The following CDC42BPB variants were observed in gnomAD, a reference collection of about 807,000 sequenced individuals.
CDC42BPB encodes the protein serine/threonine-protein kinase MRCK beta.
Under a neutral mutation model 214.9 loss-of-function variants are expected in CDC42BPB, and 37 were observed. The observed-to-expected ratio is 0.17, with a 90% CI of 0.13 to 0.23. CDC42BPB has a LOEUF of 0.23. CDC42BPB is among the 10% of genes least tolerant of loss of function. The pLI is 1.00. For synonymous variants in CDC42BPB, 931 were observed against 884.0 expected (o/e 1.05, Z -0.94); for missense variants, 1,694 against 2,227.0 (o/e 0.76, Z 4.82).
chr14:102,947,923 C>T (rs1241215019), intron 26 of CDC42BPB, 121 bp from the exon 27 acceptor site: 23 of 1,539,900 alleles, frequency 1.5e-5, no homozygotes, highest in Admixed American at 5.9e-5. Flanking sequence ...CAGTGGAGGG[C>T]GGGTCCCTCG....
intron 1 of CDC42BPB, among the ~76,000 whole-genome samples, chr14:103,046,422 C>T (rs1377529775): frequency 1.3e-5 from 2 of 152,098 alleles, no homozygotes; most frequent in Non-Finnish European, 2.9e-5. Context: ...CATGGAAAGA[C>T]AGCCAGTAAT....
rs780896564 is a variant in CDC42BPB at position 102,983,548 on chromosome 14, C to T, written c.891+8G>A. ...TACCAAAAAAAAAAAAAAAATGCAA[C>T]GTCTTACTTCATGGTTCATGATCTT... On this transcript the variant is annotated splice_region_variant and intron_variant, in intron 7 of 36. Transcript: ENST00000361246. 1.0e-5 allele frequency: 16 copies of T among 1,580,048 alleles called. No homozygotes were observed. Among genetic ancestry groups the T allele is most frequent in the South Asian group, 8.1e-5 (7 of 86,230 alleles).
In CDC42BPB at chr14:102,970,144, G is replaced by A. The variant is rs371793388; in HGVS notation, c.1995+7C>T. 275 of 1,608,078 alleles carry A rather than the reference G, an allele frequency of 1.7e-4. No individual in the cohort carries two copies. Among genetic ancestry groups the A allele is most frequent in the Admixed American group, 4.0e-4 (24 of 59,872 alleles). ...AGTTAAGGGCAGAGACCCCCGCCCA[G>A]CACTACCTTGAGGGCCTCCAGCTCG... is the stretch of plus-strand genomic sequence containing the variant. On this transcript the variant is annotated splice_region_variant and intron_variant, in intron 14 of 36. Transcript: ENST00000361246.
intron 16 of CDC42BPB, among the ~76,000 whole-genome samples, 197 bp downstream of exon 16, chr14:102,968,056 C>T (rs1253897516): frequency 6.6e-6 from 1 of 151,824 alleles, no homozygotes; most frequent in Non-Finnish European, 1.5e-5. Context: ...GATCGCGTCA[C>T]TGCACTCCAG....
intron 1 of CDC42BPB, among the ~76,000 whole-genome samples, chr14:103,035,229 G>T (rs1443687262): frequency 6.6e-6 from 1 of 151,946 alleles, no homozygotes; most frequent in Non-Finnish European, 1.5e-5. Flanking sequence ...GGCTAATTTT[G>T]TATTTTTAGT....
chr14:102,946,190 T>A (rs1343888517), intron 28 of CDC42BPB, among the ~76,000 whole-genome samples: 1 of 151,844 alleles, frequency 6.6e-6, no homozygotes, highest in African/African-American at 2.4e-5. Flanking sequence ...TATTTTTATT[T>A]TTATTTTTTT....
rs143100024 is a variant in CDC42BPB, at chr14:103,037,898, G to A, written c.175+19101C>T. 5.3e-3 allele frequency among the ~76,000 whole-genome samples: 801 copies of A among 150,688 alleles called. 8 individuals are homozygous for A. The highest frequency in any genetic ancestry group is 0.018 in the African/African-American group (751 of 40,986). ...CAAAAAATTAGCTGGGCGTGGTGGC[G>A]GGCGCCTATAGTCCCAGCTACTTGG... is the stretch of plus-strand genomic sequence containing the variant. On this transcript the variant is annotated intron_variant, in intron 1 of 36. Coordinates refer to ENST00000361246, the MANE Select transcript of CDC42BPB (RefSeq NM_006035.4).
intron 36 of CDC42BPB, 51 bp from the exon 37 acceptor site, chr14:102,933,894 G>A (rs546976531): frequency 2.0e-6 from 3 of 1,466,222 alleles, no homozygotes; most frequent in Admixed American, 3.4e-5. Context: ...AGCCTGGGGA[G>A]GCACGCGTGC....
chr14:103,053,330 GA>G (rs1888719496), intron 1 of CDC42BPB, among the ~76,000 whole-genome samples: 2 of 151,788 alleles, frequency 1.3e-5, no homozygotes, highest in South Asian at 4.2e-4. Context: ...CTGGGCAACA[GA>G]GTGAGACTCC....
chr14:102,999,423 C>G lies in CDC42BPB; in HGVS notation c.596+142G>C, dbSNP rs986597424. 65 of 711,268 alleles carry G rather than the reference C, an allele frequency of 9.1e-5. 1 individual carries two copies. The Admixed American group carries it at 1.6e-3, about 18-fold the overall frequency. 44.1% of individuals were successfully genotyped at this position (711,268 alleles called of 1,614,324 possible). On this transcript the variant is annotated intron_variant, in intron 5 of 36. Transcript: ENST00000361246. ...TGGGGCTGGAAGACGGTGATGTGGG[C>G]AAATCAGTCTGTGCTGCGGCAGCTC...
chr14:103,048,412 G>T (rs1391036852), intron 1 of CDC42BPB, among the ~76,000 whole-genome samples: 1 of 151,312 alleles, frequency 6.6e-6, no homozygotes. Context: ...GGCATGGCTG[G>T]GCGCGGTAGC....
In CDC42BPB at chr14:102,943,448, G is replaced by A. The variant is rs542161432; in HGVS notation, c.4408+443C>T. ...CTTTCAGAAAATACTTGTCCTTAGAGGGACTGTAACTTAAGACACCAGAGG... is the reference window on the plus strand; with the variant it reads ...CTTTCAGAAAATACTTGTCCTTAGAAGGACTGTAACTTAAGACACCAGAGG... On this transcript the variant is annotated intron_variant, in intron 30 of 36. Coordinates refer to ENST00000361246, the MANE Select transcript of CDC42BPB (RefSeq NM_006035.4). This position sits in a 1 kb window ranked among gnomAD's most constrained non-coding sequence, Gnocchi z 4.6. Among the ~76,000 whole-genome samples the A allele has an allele frequency of 2.6e-5, 4 of 152,346 alleles. No homozygotes were observed. Among genetic ancestry groups the A allele is most frequent in the Non-Finnish European group, 5.9e-5 (4 of 68,034 alleles).
At chr14:103,000,820 T>TGC (rs1894943894) in intron 4 of CDC42BPB, among the ~76,000 whole-genome samples, 1 of 152,206 alleles carries the variant, frequency 6.6e-6, no homozygotes, top group African/African-American at 2.4e-5. Flanking sequence ...CGCTCCCACC[T>TGC]GCCCTTGCCT....
At chr14:103,018,537 T>C (rs1358995739) in intron 1 of CDC42BPB, among the ~76,000 whole-genome samples, 7 of 152,144 alleles carry the variant, frequency 4.6e-5, no homozygotes, top group African/African-American at 9.7e-5. Flanking sequence ...ATCGATAGTG[T>C]TGGAACTAGA....
chr14:102,971,910 C>CA lies in CDC42BPB; in HGVS notation c.1884+8dup. The CA allele has an allele frequency of 6.2e-7, 1 of 1,613,498 alleles. No individual in the cohort carries two copies. The highest frequency in any genetic ancestry group is 8.5e-7 in the Non-Finnish European group (1 of 1,179,586). ...GTCGATACCATCCCTGAACCATCTC[C>CA]ACAGCTACCTCTTTCCTGAGCTTCT... On this transcript the variant is annotated intron_variant, in intron 13 of 36. Transcript: ENST00000361246.
At chr14:102,976,332 CAGA>C (rs1384847733) in intron 9 of CDC42BPB, 2 of 453,200 alleles carry the variant, frequency 4.4e-6, no homozygotes, top group African/African-American at 4.3e-5. Context: ...AATGCAAAAC[CAGA>C]AGGCATGGAT....
At chr14:103,009,807 A>G (rs1251515710) in intron 2 of CDC42BPB, among the ~76,000 whole-genome samples, 1 of 152,206 alleles carries the variant, frequency 6.6e-6, no homozygotes, top group African/African-American at 2.4e-5. Flanking sequence ...TTGGTAGCAG[A>G]CAGACAGGCA....
At chr14:102,937,384 C>T (rs112964895) in intron 36 of CDC42BPB, among the ~76,000 whole-genome samples, 103 of 152,376 alleles carry the variant, frequency 6.8e-4, no homozygotes, top group African/African-American at 2.3e-3. Context: ...CTGACCTTGG[C>T]AGAACCAGCA....
At chr14:102,972,392 GA>G in intron 12 of CDC42BPB, 4 of 936,596 alleles carry the variant, frequency 4.3e-6, no homozygotes, top group Non-Finnish European at 5.1e-6. Context: ...TGCACACCAA[GA>G]AAGGCCCCAC....
Sources: gnomAD v4.1 joint callset for allele counts (sites outside exome capture counted in the v4.1 genomes callset) on GRCh38, gnomAD v4.1.1 for gene constraint, Gnocchi (gnomAD v3.1) non-coding constraint, MANE v1.5 for transcripts, NCBI Gene and HGNC (gene_info 2026-07-23, HGNC 2026-07-21) for gene names.